The following COG2 variants were observed in gnomAD, a reference collection of about 807,000 sequenced individuals.
The protein encoded by COG2 is component of oligomeric golgi complex 2, also known as conserved oligomeric Golgi complex subunit 2.
Under a neutral mutation model 90.6 loss-of-function variants are expected in COG2, and 52 were observed. The ratio of observed to expected loss-of-function variants is 0.57; its 90% CI spans 0.46 to 0.72. COG2 has a LOEUF of 0.72. Ranked by LOEUF, COG2 falls within the 30% of genes least tolerant of loss-of-function variation. COG2 has a pLI of 0.00. For missense variants in COG2, 829 were observed against 891.2 expected (o/e 0.93, Z 0.89); for synonymous variants, 337 against 320.4 (o/e 1.05, Z -0.55).
intron 17 of COG2, among the ~76,000 whole-genome samples, 159 bp from the exon 18 acceptor site, chr1:230,693,133 C>T (rs546697675): frequency 1.3e-5 from 2 of 152,288 alleles, no homozygotes; most frequent in East Asian, 3.9e-4. Context: ...TCACATTTTA[C>T]AACAAGTAAA....
chr1:230,678,544 T>G, intron 9 of COG2: 1 of 1,165,224 alleles, frequency 8.6e-7, no homozygotes, highest in Non-Finnish European at 1.1e-6. Flanking sequence ...AATTTTCTCC[T>G]TCTTTCTCCT....
intron 10 of COG2, 189 bp from the exon 11 acceptor site, chr1:230,683,385 C>G (rs1200671201): frequency 1.9e-6 from 1 of 532,100 alleles, no homozygotes; most frequent in African/African-American, 2.1e-5. Flanking sequence ...ATAACAGTGG[C>G]TTAGTCACGA....
At chr1:230,649,581 CTCAT>C (rs1305755115) in intron 1 of COG2, among the ~76,000 whole-genome samples, 1 of 152,066 alleles carries the variant, frequency 6.6e-6, no homozygotes, top group Non-Finnish European at 1.5e-5. Flanking sequence ...TGTTTATTTT[CTCAT>C]TTCCCCATTA....
intron 1 of COG2, among the ~76,000 whole-genome samples, chr1:230,649,458 A>G (rs766339513): frequency 1.3e-5 from 2 of 152,110 alleles, no homozygotes; most frequent in Non-Finnish European, 2.9e-5. Context: ...TTCAGATCTC[A>G]GCTCAGATAC....
At chr1:230,684,996 T>G in intron 11 of COG2, 89 bp from the exon 12 acceptor site, 1 of 1,462,412 alleles carries the variant, frequency 6.8e-7, no homozygotes, top group South Asian at 1.3e-5. Context: ...TCTTTACCTT[T>G]GAATCGTACA....
rs1200694872 is a variant in COG2, at chr1:230,693,321, C to T, written c.2145C>T (p.Asp715=). The change falls in exon 18 of 18, where the codon GAC becomes GAT. Residue 715 remains aspartate, a synonymous_variant. Transcript: ENST00000366669. ...AAAAGTTGGGACTACAAGCAAGTGACATAAAAAGCTTCTCAGCTCTCGCAG... is the reference window on the plus strand; with the variant it reads ...AAAAGTTGGGACTACAAGCAAGTGATATAAAAAGCTTCTCAGCTCTCGCAG... ...QIQKLGLQAS[D]IKSFSALAEL... 5 of 1,613,468 alleles carry T rather than the reference C, an allele frequency of 3.1e-6. No individual in the cohort carries two copies. The South Asian group carries it at 5.5e-5, about 18-fold the overall frequency.
At chr1:230,688,685 A>C in intron 15 of COG2, 123 bp downstream of exon 15, 1 of 1,090,288 alleles carries the variant, frequency 9.2e-7, no homozygotes, top group African/African-American at 1.5e-5. Context: ...AGCTCATCCC[A>C]TTCTGAGAAT....
At chr1:230,676,863 C>T (rs142491459) in intron 9 of COG2, among the ~76,000 whole-genome samples, 2 of 152,146 alleles carry the variant, frequency 1.3e-5, no homozygotes, top group African/African-American at 2.4e-5. Flanking sequence ...TTAAGTTAGC[C>T]GTTAATTTAA....
rs185069774 is a variant in COG2, at chr1:230,663,152, G to A, written c.312G>A (p.Ser104=). The A allele has an allele frequency of 6.4e-5, 103 of 1,606,558 alleles. No homozygotes were observed. The East Asian group carries it at 2.0e-3, about 30-fold the overall frequency. ...QLREEVLSLR[S]SVSEGIRAVD... ...TTTGTCTTTTAAAGAGCCTTAGATC[G>A]TCTGTCAGTGAAGGAATTCGGGCAG... is the stretch of plus-strand genomic sequence containing the variant. Residue 104 remains serine, a synonymous_variant, in exon 4 of 18, where the codon TCG becomes TCA. Transcript: ENST00000366669.
At chr1:230,651,992 T>C (rs1374740252) in intron 1 of COG2, among the ~76,000 whole-genome samples, 1 of 152,202 alleles carries the variant, frequency 6.6e-6, no homozygotes, top group African/African-American at 2.4e-5. Context: ...TTTGTTACAA[T>C]TGATGAACCA....
intron 3 of COG2, among the ~76,000 whole-genome samples, chr1:230,662,235 A>T (rs1292102761): frequency 2.0e-5 from 3 of 152,088 alleles, no homozygotes; most frequent in Non-Finnish European, 4.4e-5. Flanking sequence ...TTAGCCGTAG[A>T]CCTGTTCTTC....
intron 1 of COG2, among the ~76,000 whole-genome samples, chr1:230,650,272 CTT>C (rs1186405691): frequency 1.3e-5 from 2 of 152,074 alleles, no homozygotes; most frequent in Non-Finnish European, 2.9e-5. Flanking sequence ...ATTTTTAGTT[CTT>C]TGAGAAGTCG....
intron 1 of COG2, among the ~76,000 whole-genome samples, chr1:230,645,233 C>CAAAAAA (rs57806034): frequency 2.1e-4 from 19 of 91,050 alleles, no homozygotes; most frequent in African/African-American, 4.2e-4. Flanking sequence ...GAGACCCTGT[C>CAAAAAA]AAAAAAAAAA....
chr1:230,644,396 C>T (rs1269893992), intron 1 of COG2, among the ~76,000 whole-genome samples: 1 of 152,182 alleles, frequency 6.6e-6, no homozygotes, highest in African/African-American at 2.4e-5. Context: ...GTTGCACTTC[C>T]ATGGCAGAAA....
rs911662876 is a variant in COG2, at chr1:230,645,252, A to G, written c.72+2574A>G. Among the ~76,000 whole-genome samples the G allele has an allele frequency of 4.0e-4, 60 of 151,484 alleles. 1 individual carries two copies. In the East Asian group the frequency reaches 5.9e-3, roughly 15 times the overall value. On this transcript the variant is annotated intron_variant, in intron 1 of 17. Coordinates refer to ENST00000366669, the MANE Select transcript of COG2 (RefSeq NM_007357.3). ...CCCTGTCAAAAAAAAAAAAAAAAAAAAAAAGAAAATGTACAAACACTCTTA... is the reference window on the plus strand; with the variant it reads ...CCCTGTCAAAAAAAAAAAAAAAAAAGAAAAGAAAATGTACAAACACTCTTA...
intron 1 of COG2, among the ~76,000 whole-genome samples, chr1:230,655,787 G>A (rs1662032639): frequency 6.6e-6 from 1 of 152,176 alleles, no homozygotes; most frequent in Admixed American, 6.5e-5. Flanking sequence ...CTTGTTATTG[G>A]TCTATTCAGG....
rs181465007 is a variant in COG2, at chr1:230,685,246, G to A, written c.1380+10G>A. On this transcript the variant is annotated intron_variant, in intron 12 of 17. Coordinates refer to ENST00000366669, the MANE Select transcript of COG2 (RefSeq NM_007357.3). ...TGTGTTTGTCAATGAGGTAAGGGCT[G>A]GCTGTGGAGCTCATCCATAATCAAT... 6.2e-7 allele frequency: 1 copy of A among 1,613,734 alleles called. No homozygotes were observed. The highest frequency in any genetic ancestry group is 1.3e-5 in the African/African-American group (1 of 75,006).
At chr1:230,679,097 A>G in intron 10 of COG2, 45 bp downstream of exon 10, 1 of 1,557,132 alleles carries the variant, frequency 6.4e-7, no homozygotes, top group South Asian at 1.2e-5. Flanking sequence ...CTTCTAAAAC[A>G]GAATTGGAAT....
At chr1:230,674,194 A>G (rs976367602) in intron 8 of COG2, among the ~76,000 whole-genome samples, 1 of 152,228 alleles carries the variant, frequency 6.6e-6, no homozygotes, top group African/African-American at 2.4e-5. Flanking sequence ...GTTAGGCACT[A>G]TCCTAAGTAC....
Sources: allele counts gnomAD v4.1 joint callset (sites outside exome capture counted in the v4.1 genomes callset), GRCh38; gene constraint gnomAD v4.1.1; transcripts MANE v1.5; gene names NCBI Gene and HGNC (gene_info 2026-07-23, HGNC 2026-07-21).